Variants in PLXDC2 observed in about 807,000 individuals in gnomAD.
PLXDC2 encodes the protein plexin domain containing 2.
Under a neutral mutation model 68.9 loss-of-function variants are expected in PLXDC2, and 40 were observed. That is an observed-to-expected ratio of 0.58 (90% CI 0.45 to 0.76). The LOEUF is 0.76. PLXDC2 is among the 30% of genes least tolerant of loss of function. PLXDC2 has a pLI of 0.00. For synonymous variants in PLXDC2, 243 were observed against 234.2 expected (o/e 1.04, Z -0.34); for missense variants, 644 against 661.9 (o/e 0.97, Z 0.30).
intron 4 of PLXDC2, among the ~76,000 whole-genome samples, chr10:20,114,565 C>T (rs930637581): frequency 6.6e-6 from 1 of 152,144 alleles, no homozygotes; most frequent in Non-Finnish European, 1.5e-5. Flanking sequence ...CTGTAACAGA[C>T]GTCTGAATGA....
At chr10:19,818,343 T>C (rs993467644) in intron 1 of PLXDC2, among the ~76,000 whole-genome samples, 3 of 147,074 alleles carry the variant, frequency 2.0e-5, no homozygotes, top group African/African-American at 5.1e-5. Context: ...AGATGGAAGG[T>C]TGGGGGACAC....
intron 3 of PLXDC2, among the ~76,000 whole-genome samples, chr10:20,055,939 A>G (rs1835990436): frequency 6.6e-6 from 1 of 152,122 alleles, no homozygotes; most frequent in Non-Finnish European, 1.5e-5. Flanking sequence ...TCAACTTCCT[A>G]AGAAACAGAT....
Position 20,031,805 on chromosome 10 carries a change from ATTATTTAT to A in PLXDC2, c.325-15038_325-15031del, listed in dbSNP as rs144152981. ...GGACACAATACAGGAAGTTGTTTTT[ATTATTTAT>A]TTATTTATTTATTTATTTATTTATT... On this transcript the variant is annotated intron_variant, in intron 2 of 13. Transcript: ENST00000377252. 8.8e-3 allele frequency among the ~76,000 whole-genome samples: 1,302 copies of A among 148,362 alleles called. 18 individuals are homozygous for A. Among genetic ancestry groups the A allele is most frequent in the African/African-American group, 0.019 (781 of 40,452 alleles).
chr10:19,867,997 C>G (rs1033356222), intron 1 of PLXDC2, among the ~76,000 whole-genome samples: 1 of 152,166 alleles, frequency 6.6e-6, no homozygotes, highest in African/African-American at 2.4e-5. Flanking sequence ...AGTCATTTGT[C>G]AATGCCTATT....
At chr10:20,138,715 C>A (rs1833964425) in intron 4 of PLXDC2, among the ~76,000 whole-genome samples, 1 of 152,088 alleles carries the variant, frequency 6.6e-6, no homozygotes, top group Non-Finnish European at 1.5e-5. Context: ...GAGTTCAAGA[C>A]CAGCCTAGCC....
At chr10:20,172,369 A>T (rs950731356) in intron 7 of PLXDC2, among the ~76,000 whole-genome samples, 1 of 152,140 alleles carries the variant, frequency 6.6e-6, no homozygotes, top group East Asian at 1.9e-4. Flanking sequence ...AGCCCTCAGC[A>T]ATGGAACCGT....
chr10:20,027,265 G>A (rs1423872467), intron 2 of PLXDC2, among the ~76,000 whole-genome samples: 1 of 152,040 alleles, frequency 6.6e-6, no homozygotes, highest in African/African-American at 2.4e-5. Flanking sequence ...CAACAGTGTT[G>A]AGAGCTGGGG....
chr10:19,901,912 C>T (rs999311403), intron 1 of PLXDC2, among the ~76,000 whole-genome samples: 4 of 152,168 alleles, frequency 2.6e-5, no homozygotes, highest in African/African-American at 9.7e-5. Context: ...ATTATCCCAG[C>T]ACCATTTGTT....
chr10:19,863,570 G>A (rs573473728), intron 1 of PLXDC2, among the ~76,000 whole-genome samples: 7 of 152,304 alleles, frequency 4.6e-5, no homozygotes, highest in African/African-American at 1.4e-4. Context: ...TGTAAGCTTT[G>A]TTGTACACAT....
At chr10:20,271,513 AGT>A (rs1835940581) in intron 13 of PLXDC2, among the ~76,000 whole-genome samples, 2 of 152,176 alleles carry the variant, frequency 1.3e-5, no homozygotes, top group Non-Finnish European at 2.9e-5. Flanking sequence ...TGGAAATTAG[AGT>A]GTGATTCTTT....
intron 2 of PLXDC2, among the ~76,000 whole-genome samples, chr10:20,017,643 C>T (rs1835235989): frequency 1.3e-5 from 2 of 152,196 alleles, no homozygotes; most frequent in Admixed American, 1.3e-4. Flanking sequence ...AGGAGGTTTC[C>T]ACTTCCTCAA....
In PLXDC2 at chr10:19,816,780, C is replaced by T. The variant is rs1340073069; in HGVS notation, c.-300C>T. Reference sequence around the variant, plus strand: ...CTGCCCGAGTGGAACCGACAGTTTGCGAGCCTCGGCTGCAAGTGGCCTCTC... The same window carrying T: ...CTGCCCGAGTGGAACCGACAGTTTGTGAGCCTCGGCTGCAAGTGGCCTCTC... On this transcript the variant is annotated 5_prime_UTR_variant, in exon 1 of 14. Coordinates refer to ENST00000377252, the MANE Select transcript of PLXDC2 (RefSeq NM_032812.9). 1.7e-5 allele frequency: 8 copies of T among 477,738 alleles called. No homozygotes were observed. The highest frequency in any genetic ancestry group is 2.3e-5 in the Non-Finnish European group (6 of 266,530). The allele number at this position is 477,738 out of a possible 1,614,324, so 29.6% of individuals were successfully genotyped here. A position where few individuals can be genotyped will look rare whatever the true frequency, so the allele number is the denominator to read the frequency against.
At position 20,282,054 on chromosome 10, in the gene PLXDC2, G is replaced by C. The variant is rs1465312326; in HGVS notation, c.*2235G>C. The C allele has an allele frequency of 6.6e-6, 1 of 151,918 alleles. No homozygotes were observed. Among genetic ancestry groups the C allele is most frequent in the African/African-American group, 2.4e-5 (1 of 41,346 alleles). 9.4% of individuals were successfully genotyped at this position (151,918 alleles called of 1,614,324 possible). Reference sequence around the variant, plus strand: ...AAAACAATTGATTCAAAACAATTTTGAATCAATTTTCTATTTTGATTCAAA... The same window carrying C: ...AAAACAATTGATTCAAAACAATTTTCAATCAATTTTCTATTTTGATTCAAA... On this transcript the variant is annotated 3_prime_UTR_variant, in exon 14 of 14. Transcript: ENST00000377252.
chr10:19,969,409 T>A (rs1049332289), intron 1 of PLXDC2, among the ~76,000 whole-genome samples: 13 of 151,870 alleles, frequency 8.6e-5, no homozygotes, highest in African/African-American at 3.1e-4. Flanking sequence ...TCCACCAACC[T>A]CCCCCTCCCC....
chr10:19,995,067 T>C (rs911201191), intron 1 of PLXDC2, among the ~76,000 whole-genome samples: 1 of 152,038 alleles, frequency 6.6e-6, no homozygotes, highest in African/African-American at 2.4e-5. Flanking sequence ...TTAAAAAACT[T>C]TAGATAGGTA....
intron 1 of PLXDC2, among the ~76,000 whole-genome samples, chr10:19,885,045 G>C (rs369923973): frequency 0.046 from 6,919 of 152,046 alleles, 199 homozygotes; most frequent in Middle Eastern, 0.12. Context: ...GATTGCCATT[G>C]TAACTGGTGT....
At position 20,143,305 on chromosome 10, in the gene PLXDC2, C is replaced by T. The variant is rs1013083156; in HGVS notation, c.552C>T (p.Tyr184=). 1 of 1,612,006 alleles carries T rather than the reference C, an allele frequency of 6.2e-7. No individual in the cohort carries two copies. Residue 184 remains tyrosine, a synonymous_variant, in exon 5 of 14, where the codon TAC becomes TAT. Coordinates refer to ENST00000377252, the MANE Select transcript of PLXDC2 (RefSeq NM_032812.9). ...TTTTTCTAATTCTAGGTTTCATATA[C>T]ACTGGAGAAGTCGTACATCGAATGC... is the stretch of plus-strand genomic sequence containing the variant. The part of the protein sequence containing the change: ...EITVATGGFI[Y]TGEVVHRMLT...
At chr10:20,165,638 C>T (rs1834365074) in intron 7 of PLXDC2, among the ~76,000 whole-genome samples, 1 of 152,042 alleles carries the variant, frequency 6.6e-6, no homozygotes, top group South Asian at 2.1e-4. Flanking sequence ...GTTTGGGAGT[C>T]TAAAGGAAGA....
chr10:19,996,629 A>T (rs1834847779), intron 1 of PLXDC2, among the ~76,000 whole-genome samples: 1 of 152,178 alleles, frequency 6.6e-6, no homozygotes, highest in Non-Finnish European at 1.5e-5. Context: ...GCCAGGAGAC[A>T]AAAGATGATG....
Sources: allele counts gnomAD v4.1 joint callset (sites outside exome capture counted in the v4.1 genomes callset), GRCh38; gene constraint gnomAD v4.1.1; transcripts MANE v1.5; gene names NCBI Gene and HGNC (gene_info 2026-07-23, HGNC 2026-07-21).